ITGB6: variants seen among roughly 807,000 people sequenced by gnomAD.
ITGB6 encodes integrin subunit beta 6, also known as integrin beta-6.
Under a neutral mutation model 84.5 loss-of-function variants are expected in ITGB6, and 80 were observed. The observed-to-expected ratio is 0.95, with a 90% CI of 0.79 to 1.14. The LOEUF (loss-of-function observed/expected upper bound fraction) is 1.14. ITGB6 is among the 50% of genes most tolerant of loss of function. The pLI, the probability that ITGB6 is intolerant of heterozygous loss-of-function variation, is 0.00. For missense variants in ITGB6, 1,006 were observed against 968.0 expected (o/e 1.04, Z -0.52); for synonymous variants, 383 against 354.9 (o/e 1.08, Z -0.89).
chr2:160,161,123 G>C (rs1021185210), intron 7 of ITGB6, among the ~76,000 whole-genome samples: 1 of 152,104 alleles, frequency 6.6e-6, no homozygotes, highest in East Asian at 1.9e-4. Flanking sequence ...CTCAGGTTTT[G>C]GGCTGCTGGT....
Position 160,142,124 on chromosome 2 carries a change from A to G in ITGB6, c.1018-53T>C, listed in dbSNP as rs969961435. The G allele has an allele frequency of 2.5e-6, 3 of 1,213,472 alleles. No homozygotes were observed. The Admixed American group carries it at 5.9e-5, about 24-fold the overall frequency. 75.2% of individuals were successfully genotyped at this position (1,213,472 alleles called of 1,614,324 possible). A position where few individuals can be genotyped will look rare whatever the true frequency, so the allele number is the denominator to read the frequency against. On this transcript the variant is annotated intron_variant, in intron 7 of 14. Transcript: ENST00000283249. ...CTTTGTTTCCTCATGGTAATTGAGA[A>G]AAGTGTGGGTTTGAGCCTGCTGGCT... is the stretch of plus-strand genomic sequence containing the variant.
intron 7 of ITGB6, among the ~76,000 whole-genome samples, chr2:160,162,604 A>C (rs1684861730): frequency 6.6e-6 from 1 of 152,116 alleles, no homozygotes; most frequent in South Asian, 2.1e-4. Context: ...GGCAATAAGT[A>C]TGTGGGTGTT....
At chr2:160,133,268 C>T (rs998502982) in intron 10 of ITGB6, among the ~76,000 whole-genome samples, 1 of 152,030 alleles carries the variant, frequency 6.6e-6, no homozygotes, top group African/African-American at 2.4e-5. Flanking sequence ...CAATCCTAGT[C>T]TCTGATAAAA....
At chr2:160,197,487 T>C (rs1306242774) in intron 2 of ITGB6, among the ~76,000 whole-genome samples, 1 of 152,218 alleles carries the variant, frequency 6.6e-6, no homozygotes, top group Non-Finnish European at 1.5e-5. Context: ...AGAGTGGGCA[T>C]GACACTATGC....
At chr2:160,130,540 C>G (rs1391862701) in intron 10 of ITGB6, among the ~76,000 whole-genome samples, 1 of 151,990 alleles carries the variant, frequency 6.6e-6, no homozygotes, top group African/African-American at 2.4e-5. Context: ...CATTATTTGT[C>G]TAATGAAAGA....
At chr2:160,102,500 T>A (rs550150604) in intron 14 of ITGB6, among the ~76,000 whole-genome samples, 6 of 152,116 alleles carry the variant, frequency 3.9e-5, no homozygotes, top group Non-Finnish European at 8.8e-5. Flanking sequence ...CACAAGAGAC[T>A]GGTATGGAGG....
Position 160,123,885 on chromosome 2 carries a change from G to A in ITGB6, c.1887C>T (p.Ser629=), listed in dbSNP as rs753172452. ...CTGCTGACAGGTGGCACTCAATGCA[G>A]CTCCTGTGGACAGTATCCAACAGTG... is the stretch of plus-strand genomic sequence containing the variant. The part of the protein sequence containing the change: ...TCGDPCNSKR[S]CIECHLSAAG... Residue 629 remains serine, a synonymous_variant, in exon 12 of 15, where the codon AGC becomes AGT. Transcript: ENST00000283249. 1 of 1,612,168 alleles carries A rather than the reference G, an allele frequency of 6.2e-7. No homozygotes were observed. Among genetic ancestry groups the A allele is most frequent in the Non-Finnish European group, 8.5e-7 (1 of 1,178,496 alleles).
intron 11 of ITGB6, among the ~76,000 whole-genome samples, chr2:160,126,022 C>A (rs1215962621): frequency 1.3e-5 from 2 of 152,184 alleles, no homozygotes; most frequent in African/African-American, 4.8e-5. Context: ...AAGCTACTGA[C>A]TGCATGTGGG....
chr2:160,181,995 C>T (rs1002404091), intron 4 of ITGB6, among the ~76,000 whole-genome samples: 1 of 152,212 alleles, frequency 6.6e-6, no homozygotes, highest in Non-Finnish European at 1.5e-5. Flanking sequence ...AGGTTACCAA[C>T]ATAAAATACC....
chr2:160,162,622 T>C (rs569067925), intron 7 of ITGB6, among the ~76,000 whole-genome samples: 1 of 152,264 alleles, frequency 6.6e-6, no homozygotes, highest in East Asian at 1.9e-4. Context: ...GTTTATTTAT[T>C]ATTATTATTT....
chr2:160,171,503 T>G (rs1180153766), intron 6 of ITGB6, among the ~76,000 whole-genome samples: 1 of 151,924 alleles, frequency 6.6e-6, no homozygotes, highest in African/African-American at 2.4e-5. Flanking sequence ...CCCGGCTAAA[T>G]TTTTGTATTT....
chr2:160,162,937 G>A (rs1008473557), intron 7 of ITGB6, among the ~76,000 whole-genome samples: 8 of 152,002 alleles, frequency 5.3e-5, no homozygotes, highest in Admixed American at 3.3e-4. Flanking sequence ...ATTATATTAC[G>A]CCATTTTTCC....
Position 160,174,100 on chromosome 2 carries a change from C to G in ITGB6, c.633G>C (p.Lys211Asn), listed in dbSNP as rs1235642411. Residue 211 changes from lysine (K) to asparagine (N), a missense_variant, in exon 5 of 15, where the codon AAG becomes AAC. Transcript: ENST00000283249. ...PYFCLPTFGF[K>N]HILPLTNDAE... Reference sequence around the variant, plus strand: ...CATCATTTGTCAATGGCAAAATGTGCTTGAATCCAAATGTAGGTAAACAGA... The same window carrying G: ...CATCATTTGTCAATGGCAAAATGTGGTTGAATCCAAATGTAGGTAAACAGA... 1 of 1,611,510 alleles carries G rather than the reference C, an allele frequency of 6.2e-7. No individual in the cohort carries two copies. The highest frequency in any genetic ancestry group is 8.5e-7 in the Non-Finnish European group (1 of 1,179,282).
chr2:160,174,273 T>C (rs1159004066), intron 4 of ITGB6, 134 bp from the exon 5 acceptor site: 3 of 646,090 alleles, frequency 4.6e-6, no homozygotes, highest in Non-Finnish European at 5.2e-6. Flanking sequence ...AACTCAGCTA[T>C]GAATCTCACT....
At chr2:160,142,691 T>G (rs1283727301) in intron 7 of ITGB6, among the ~76,000 whole-genome samples, 2 of 152,172 alleles carry the variant, frequency 1.3e-5, no homozygotes, top group Non-Finnish European at 2.9e-5. Flanking sequence ...CAGAAGCTAG[T>G]GCAGAAAGCA....
chr2:160,154,057 A>G (rs1029944232), intron 7 of ITGB6, among the ~76,000 whole-genome samples: 13 of 152,368 alleles, frequency 8.5e-5, no homozygotes, highest in African/African-American at 2.9e-4. Flanking sequence ...TAGAAGTGCC[A>G]TTTGACCTAG....
chr2:160,197,746 G>T (rs1339010700), intron 2 of ITGB6, among the ~76,000 whole-genome samples: 1 of 152,222 alleles, frequency 6.6e-6, no homozygotes, highest in African/African-American at 2.4e-5. Context: ...GGAAACAGTG[G>T]CTGGCCAAGG....
At chr2:160,108,693 T>C (rs936711209) in intron 13 of ITGB6, among the ~76,000 whole-genome samples, 1 of 152,254 alleles carries the variant, frequency 6.6e-6, no homozygotes, top group African/African-American at 2.4e-5. Flanking sequence ...GATTCTGTGT[T>C]ATTAAATATT....
intron 7 of ITGB6, among the ~76,000 whole-genome samples, chr2:160,144,653 A>G (rs1164501200): frequency 6.6e-6 from 1 of 152,238 alleles, no homozygotes; most frequent in East Asian, 1.9e-4. Context: ...ACATCCTGAG[A>G]ACCCCAGGAC....
Sources: allele counts gnomAD v4.1 joint callset (sites outside exome capture counted in the v4.1 genomes callset), GRCh38; gene constraint gnomAD v4.1.1; transcripts MANE v1.5; gene names NCBI Gene and HGNC (gene_info 2026-07-23, HGNC 2026-07-21).